Variants in GRAMD2A observed in about 807,000 individuals in gnomAD.
GRAMD2A encodes the protein GRAM domain-containing protein 2A.
A neutral mutation model predicts 51.1 loss-of-function variants in GRAMD2A; 37 were observed. The ratio of observed to expected loss-of-function variants is 0.72; its 90% CI spans 0.56 to 0.95. The LOEUF is 0.95. Ranked by LOEUF, GRAMD2A falls within the 40% of genes least tolerant of loss-of-function variation. The pLI, the probability that GRAMD2A is intolerant of heterozygous loss-of-function variation, is 0.00. For synonymous variants in GRAMD2A, 136 were observed against 157.1 expected (o/e 0.87, Z 1.01); for missense variants, 414 against 426.9 (o/e 0.97, Z 0.27).
chr15:72,196,565 G>A (rs2081806661), intron 1 of GRAMD2A, among the ~76,000 whole-genome samples: 3 of 151,662 alleles, frequency 2.0e-5, no homozygotes, highest in African/African-American at 7.3e-5. Context: ...CCTCACTGAA[G>A]AATGGGATAG....
chr15:72,167,110 G>C lies in GRAMD2A; in HGVS notation c.373-18C>G. 1 of 1,561,592 alleles carries C rather than the reference G, an allele frequency of 6.4e-7. No individual in the cohort carries two copies. Among genetic ancestry groups the C allele is most frequent in the Non-Finnish European group, 8.8e-7 (1 of 1,131,730 alleles). On this transcript the variant is annotated intron_variant, in intron 5 of 11. Coordinates refer to ENST00000309731, the MANE Select transcript of GRAMD2A (RefSeq NM_001012642.3). ...ATGACCACCTGAGAGGGAGAGGGAT[G>C]CTTCTCTCAGGACTAACCCCCAAGG... is the stretch of plus-strand genomic sequence containing the variant.
Position 72,169,846 on chromosome 15 carries a change from CCT to C in GRAMD2A, c.133_134del (p.Leu46AlafsTer9). ...TCTATGACTGGGAAAGGGGTCCTCA[CCT>C]GTAGTCCGGGGGCTCCTCAACTCTG... ...PDRVEEPPDY[S>X]LHWPEGLKGE... On this transcript the variant is annotated frameshift_variant and splice_region_variant, in exon 2 of 12. Transcript: ENST00000309731. LOFTEE classifies it high-confidence loss of function. 6.2e-7 allele frequency: 1 copy of C among 1,610,994 alleles called. No homozygotes were observed. The highest frequency in any genetic ancestry group is 8.5e-7 in the Non-Finnish European group (1 of 1,177,110).
rs2081588546 is a variant in GRAMD2A, at chr15:72,169,681, G to A, written c.134+166C>T. On this transcript the variant is annotated intron_variant, in intron 2 of 11. Transcript: ENST00000309731. ...TGCTAGGTCCCAGTGCACTGGGACA[G>A]TCTTGAGGGGCGGGAGGAAGAAGCC... 16 of 694,858 alleles carry A rather than the reference G, an allele frequency of 2.3e-5. No individual in the cohort carries two copies. In the East Asian group the frequency reaches 2.9e-4, roughly 13 times the overall value. 43.0% of individuals were successfully genotyped at this position (694,858 alleles called of 1,614,324 possible).
Position 72,197,766 on chromosome 15 carries a change from G to A in GRAMD2A, c.6C>T (p.Thr2=). The part of the protein sequence containing the change: M[T]ALSRSEATEE... The stretch of plus-strand genomic sequence containing the variant: ...CGGTGGCCTCGCTCCGGCTTAAAGC[G>A]GTCATCCCGGCGCCTGCACCCAGCG... The change falls in exon 1 of 12, where the codon ACC becomes ACT. Residue 2 remains threonine (T), a synonymous_variant. Transcript: ENST00000309731. The A allele has an allele frequency of 7.6e-7, 1 of 1,318,002 alleles. No individual in the cohort carries two copies. The highest frequency in any genetic ancestry group is 9.7e-7 in the Non-Finnish European group (1 of 1,025,740). The allele number at this position is 1,318,002 out of a possible 1,614,324, so 81.6% of individuals were successfully genotyped here. A position where few individuals can be genotyped will look rare whatever the true frequency, so the allele number is the denominator to read the frequency against.
chr15:72,171,332 T>A (rs1437565114), intron 1 of GRAMD2A, among the ~76,000 whole-genome samples: 1 of 151,584 alleles, frequency 6.6e-6, no homozygotes. Context: ...ATATGAAAAA[T>A]ATATATAAGA....
chr15:72,174,731 C>T (rs1008499495), intron 1 of GRAMD2A, among the ~76,000 whole-genome samples: 7 of 152,164 alleles, frequency 4.6e-5, no homozygotes, highest in African/African-American at 2.4e-5. Context: ...CTTTTCACAT[C>T]ATGAGGCAGG....
chr15:72,170,328 T>C lies in GRAMD2A; in HGVS notation c.42-389A>G. On this transcript the variant is annotated intron_variant, in intron 1 of 11. Coordinates refer to ENST00000309731, the MANE Select transcript of GRAMD2A (RefSeq NM_001012642.3). This position sits in a 1 kb window ranked among gnomAD's most constrained non-coding sequence, Gnocchi z 4.5. ...CTCGCTTATGCCGAGAACAAAAGTG[T>C]CCAAAGTACCCGCGCAGCATGACTG... The C allele has an allele frequency of 2.2e-6, 1 of 464,732 alleles. No homozygotes were observed. The highest frequency in any genetic ancestry group is 1.5e-5 in the South Asian group (1 of 64,606). 28.8% of individuals were successfully genotyped at this position (464,732 alleles called of 1,614,324 possible).
chr15:72,176,377 TCTC>T (rs1467602586), intron 1 of GRAMD2A, among the ~76,000 whole-genome samples: 1 of 152,200 alleles, frequency 6.6e-6, no homozygotes, highest in East Asian at 1.9e-4. Flanking sequence ...CCCTTGGGCA[TCTC>T]CTCCTCCAAG....
chr15:72,181,132 G>A (rs1011992240), intron 1 of GRAMD2A, among the ~76,000 whole-genome samples: 3 of 152,242 alleles, frequency 2.0e-5, no homozygotes, highest in African/African-American at 7.2e-5. Flanking sequence ...GTGTGAGAAA[G>A]CTAAATAGAG....
In GRAMD2A at chr15:72,197,682, G is replaced by A. The variant is rs770042517; in HGVS notation, c.41+49C>T. 7.9e-6 allele frequency: 10 copies of A among 1,263,824 alleles called. 2 individuals are homozygous for A. The South Asian group carries it at 2.2e-4, about 27-fold the overall frequency. 78.3% of individuals were successfully genotyped at this position (1,263,824 alleles called of 1,614,324 possible). On this transcript the variant is annotated intron_variant, in intron 1 of 11. Coordinates refer to ENST00000309731, the MANE Select transcript of GRAMD2A (RefSeq NM_001012642.3). Reference sequence around the variant, plus strand: ...GCCCCGCGCGGCAGCAGCCCCTCGCGGCGGCCTCCGGAACCCCCGAGACCG... The same window carrying A: ...GCCCCGCGCGGCAGCAGCCCCTCGCAGCGGCCTCCGGAACCCCCGAGACCG...
intron 10 of GRAMD2A, among the ~76,000 whole-genome samples, 181 bp from the exon 11 acceptor site, chr15:72,162,558 G>C (rs1161452844): frequency 6.6e-6 from 1 of 152,222 alleles, no homozygotes; most frequent in Non-Finnish European, 1.5e-5. Context: ...GGGGTCTTCA[G>C]ACTTGTCCCC....
intron 1 of GRAMD2A, among the ~76,000 whole-genome samples, chr15:72,190,743 G>A (rs978342673): frequency 5.3e-5 from 8 of 152,138 alleles, no homozygotes; most frequent in African/African-American, 1.9e-4. Flanking sequence ...AAATTGTTGG[G>A]TCTGAACAAA....
intron 1 of GRAMD2A, among the ~76,000 whole-genome samples, chr15:72,185,051 G>A (rs2081725214): frequency 6.6e-6 from 1 of 152,120 alleles, no homozygotes. Flanking sequence ...TGGTATTGGG[G>A]CAATTGGCTA....
intron 1 of GRAMD2A, among the ~76,000 whole-genome samples, chr15:72,177,195 T>C (rs1286654172): frequency 6.6e-6 from 1 of 151,630 alleles, no homozygotes. Context: ...AAATGATGCC[T>C]GAGCTCTGTC....
At chr15:72,169,359 G>A in intron 2 of GRAMD2A, 2 of 457,976 alleles carry the variant, frequency 4.4e-6, no homozygotes, top group Non-Finnish European at 8.3e-6. Flanking sequence ...CAGGGGAGCA[G>A]GCAGTGCTGG....
rs2081599787 is a variant in GRAMD2A at position 72,170,502 on chromosome 15, T to C, written c.42-563A>G. 2.3e-6 allele frequency: 1 copy of C among 439,118 alleles called. No individual in the cohort carries two copies. The highest frequency in any genetic ancestry group is 2.0e-5 in the African/African-American group (1 of 49,512). 27.2% of individuals were successfully genotyped at this position (439,118 alleles called of 1,614,324 possible). ...GGAGGAGCCGTCTTATACCAGGAAG[T>C]GGCCTCAGCCACCTTGGACAGTCAG... On this transcript the variant is annotated intron_variant, in intron 1 of 11. Transcript: ENST00000309731. This position sits in a 1 kb window ranked among gnomAD's most constrained non-coding sequence, Gnocchi z 4.5.
At chr15:72,185,296 C>G (rs1490890184) in intron 1 of GRAMD2A, among the ~76,000 whole-genome samples, 3 of 151,436 alleles carry the variant, frequency 2.0e-5, no homozygotes, top group Admixed American at 6.6e-5. Flanking sequence ...CAGGTTCAAG[C>G]AATTCTCCTG....
At chr15:72,167,946 C>A in intron 4 of GRAMD2A, 107 bp from the exon 5 acceptor site, 1 of 749,582 alleles carries the variant, frequency 1.3e-6, no homozygotes, top group South Asian at 1.5e-5. Flanking sequence ...CAGGACCTGT[C>A]TTCCTCAGAC....
chr15:72,167,636 C>T, intron 5 of GRAMD2A, 100 bp downstream of exon 5: 1 of 923,298 alleles, frequency 1.1e-6, no homozygotes, highest in Non-Finnish European at 1.8e-6. Flanking sequence ...CACCCGGGGC[C>T]CAGCACGCAG....
Sources: allele counts gnomAD v4.1 joint callset (sites outside exome capture counted in the v4.1 genomes callset), GRCh38; gene constraint gnomAD v4.1.1; non-coding constraint Gnocchi (gnomAD v3.1); transcripts MANE v1.5; gene names NCBI Gene and HGNC (gene_info 2026-07-23, HGNC 2026-07-21).